Variants in PBX1 observed in about 807,000 individuals in gnomAD.
The protein encoded by PBX1 is pre-B-cell leukemia transcription factor 1.
In PBX1, 6 loss-of-function variants were observed where a neutral mutation model predicts 53.4. That is an observed-to-expected ratio of 0.11 (90% CI 0.06 to 0.22). The LOEUF (loss-of-function observed/expected upper bound fraction) is 0.22, where lower values mean the gene tolerates loss of function less well. PBX1 is among the 10% of genes least tolerant of loss of function. PBX1 has a pLI of 1.00. For missense variants in PBX1, 251 were observed against 551.4 expected, an observed-to-expected ratio of 0.46 and a Z score of 5.46; for synonymous variants, 204 against 212.3, an observed-to-expected ratio of 0.96 and a Z score of 0.34.
chr1:164,860,438 A>G (rs1234759911), intron 2 of PBX1, among the ~76,000 whole-genome samples: 1 of 152,128 alleles, frequency 6.6e-6, no homozygotes, highest in Non-Finnish European at 1.5e-5. Flanking sequence ...TCTCCTTTTT[A>G]CTAGGTTCAA....
chr1:164,671,354 C>T (rs1348367388), intron 2 of PBX1, among the ~76,000 whole-genome samples: 1 of 152,094 alleles, frequency 6.6e-6, no homozygotes, highest in African/African-American at 2.4e-5. Flanking sequence ...GTAATGGTCT[C>T]TCTAACAATT....
At chr1:164,822,313 A>G (rs1670200581) in intron 8 of PBX1, among the ~76,000 whole-genome samples, 1 of 152,110 alleles carries the variant, frequency 6.6e-6, no homozygotes, top group Admixed American at 6.5e-5. Flanking sequence ...GCAAGCTGGG[A>G]CAAGAGGGCA....
At chr1:164,743,869 A>G (rs1281721463) in intron 2 of PBX1, among the ~76,000 whole-genome samples, 3 of 152,222 alleles carry the variant, frequency 2.0e-5, no homozygotes, top group Non-Finnish European at 1.5e-5. Context: ...ACATATATGT[A>G]CAGTTATCCA....
intron 6 of PBX1, chr1:164,814,444 A>G (rs529605998): frequency 2.6e-5 from 4 of 152,302 alleles, no homozygotes; most frequent in African/African-American, 9.6e-5. Flanking sequence ...TTTCTATTGT[A>G]AAGAAATATA....
chr1:164,635,877 T>C (rs1180681060), intron 2 of PBX1, among the ~76,000 whole-genome samples: 2 of 152,216 alleles, frequency 1.3e-5, no homozygotes, highest in Admixed American at 6.5e-5. Flanking sequence ...GCTTGTTCTC[T>C]CTCTGTGTGG....
rs1671771164 is a variant in PBX1 at position 164,850,339 on chromosome 1, CTA to C, written c.*3664_*3665del. 7.7e-6 allele frequency: 1 copy of C among 130,594 alleles called. No individual in the cohort carries two copies. The highest frequency in any genetic ancestry group is 3.8e-5 in the African/African-American group (1 of 26,470). 8.1% of individuals were successfully genotyped at this position (130,594 alleles called of 1,614,324 possible). A position where few individuals can be genotyped will look rare whatever the true frequency, so the allele number is the denominator to read the frequency against. ...AAGTGACAGTAATTCATTTTGTAAA[CTA>C]AAAAAAAAAAAAAAAAGGTTGGAAT... On this transcript the variant is annotated 3_prime_UTR_variant, in exon 9 of 9. Coordinates refer to ENST00000420696, the MANE Select transcript of PBX1 (RefSeq NM_002585.4).
intron 2 of PBX1, among the ~76,000 whole-genome samples, chr1:164,650,213 GACTTTTTCTTTGCT>G (rs199998206): frequency 0.047 from 7,156 of 151,100 alleles, 575 homozygotes; most frequent in African/African-American, 0.17. Context: ...TGTAAAGAGA[GACTTTTTCTTTGCT>G]ACTTTTTTTT....
At chr1:164,663,177 C>T (rs532772737) in intron 2 of PBX1, among the ~76,000 whole-genome samples, 1 of 149,842 alleles carries the variant, frequency 6.7e-6, no homozygotes, top group African/African-American at 2.5e-5. Flanking sequence ...TTCCTTCCTG[C>T]CTTCCTTCCT....
chr1:164,884,085 C>T (rs1304049956), intron 2 of PBX1, among the ~76,000 whole-genome samples: 1 of 152,146 alleles, frequency 6.6e-6, no homozygotes, highest in East Asian at 1.9e-4. Flanking sequence ...TTGAGCAAGT[C>T]ATTTAATATT....
rs56978109 is a variant in PBX1, at chr1:164,674,474, A to G, written c.265+111163A>G. The G allele has an allele frequency of 1.7e-3, 257 of 152,314 alleles. 2 individuals are homozygous for G. Among genetic ancestry groups the G allele is most frequent in the African/African-American group, 6.1e-3 (252 of 41,570 alleles). 9.4% of individuals were successfully genotyped at this position (152,314 alleles called of 1,614,324 possible). ...CATCTGCTTTTTGATAATTGCCACCAAAACCCATTTTCCAGTTACAGAGAC... is the reference window on the plus strand; with the variant it reads ...CATCTGCTTTTTGATAATTGCCACCGAAACCCATTTTCCAGTTACAGAGAC... On this transcript the variant is annotated intron_variant, in intron 2 of 8. Coordinates refer to ENST00000420696, the MANE Select transcript of PBX1 (RefSeq NM_002585.4).
At chr1:164,780,376 T>G (rs1667871999) in intron 2 of PBX1, among the ~76,000 whole-genome samples, 1 of 152,186 alleles carries the variant, frequency 6.6e-6, no homozygotes, top group East Asian at 1.9e-4. Context: ...TTACTTGAAA[T>G]CTACTTCTCC....
intron 2 of PBX1, among the ~76,000 whole-genome samples, chr1:164,713,841 G>A (rs1267019854): frequency 1.3e-5 from 2 of 152,108 alleles, no homozygotes. Context: ...GTGCCTCTAG[G>A]ACCAAAAAAT....
intron 2 of PBX1, among the ~76,000 whole-genome samples, chr1:164,880,855 G>T (rs1011273428): frequency 6.6e-6 from 1 of 152,208 alleles, no homozygotes; most frequent in Admixed American, 6.5e-5. Flanking sequence ...ATTAGCTATT[G>T]TTGCATTACT....
intron 5 of PBX1, among the ~76,000 whole-genome samples, chr1:164,809,839 C>G (rs1669522056): frequency 6.6e-6 from 1 of 152,160 alleles, no homozygotes; most frequent in African/African-American, 2.4e-5. Context: ...TATACCAGAG[C>G]TACTCTAAGT....
chr1:164,602,884 C>T (rs1335324823), intron 2 of PBX1, among the ~76,000 whole-genome samples: 1 of 152,152 alleles, frequency 6.6e-6, no homozygotes, highest in Non-Finnish European at 1.5e-5. Flanking sequence ...GTGTATGAAG[C>T]GTTAATGAAG....
intron 2 of PBX1, among the ~76,000 whole-genome samples, chr1:164,646,086 C>T (rs534607761): frequency 6.0e-4 from 92 of 152,238 alleles, no homozygotes; most frequent in African/African-American, 2.1e-3. Flanking sequence ...ACACAAGATG[C>T]GAATCTGAAG....
chr1:164,658,335 G>T (rs1304767397), intron 2 of PBX1, among the ~76,000 whole-genome samples: 1 of 152,310 alleles, frequency 6.6e-6, no homozygotes, highest in Non-Finnish European at 1.5e-5. Flanking sequence ...GCCTGTTGTG[G>T]AGCTCAACTG....
chr1:164,637,644 T>C (rs552392075), intron 2 of PBX1, among the ~76,000 whole-genome samples: 1 of 152,332 alleles, frequency 6.6e-6, no homozygotes, highest in South Asian at 2.1e-4. Flanking sequence ...GAGGTTAAGA[T>C]GACTGTAGGA....
intron 2 of PBX1, chr1:164,700,421 A>G: frequency 3.1e-6 from 3 of 982,832 alleles, no homozygotes; most frequent in Non-Finnish European, 3.6e-6. Flanking sequence ...TTGGAGACTT[A>G]AGAGAAGTGC....
Sources: allele counts gnomAD v4.1 joint callset (sites outside exome capture counted in the v4.1 genomes callset), GRCh38; gene constraint gnomAD v4.1.1; transcripts MANE v1.5; gene names NCBI Gene and HGNC (gene_info 2026-07-23, HGNC 2026-07-21).